The following ADAM23 variants were observed in gnomAD, a reference collection of about 807,000 sequenced individuals.
The protein encoded by ADAM23 is ADAM metallopeptidase domain 23.
ADAM23 carries 33 observed loss-of-function variants against 120.1 expected under a neutral mutation model. The ratio of observed to expected loss-of-function variants is 0.27; its 90% CI spans 0.21 to 0.37. ADAM23 has a LOEUF of 0.37. Ranked by LOEUF, ADAM23 falls within the 10% of genes least tolerant of loss-of-function variation. The pLI, the probability that ADAM23 is intolerant of heterozygous loss-of-function variation, is 1.00. For missense variants in ADAM23, 862 were observed against 1,058.2 expected (o/e 0.81, Z 2.57); for synonymous variants, 367 against 375.2 (o/e 0.98, Z 0.25).
rs530089621 is a variant in ADAM23 at position 206,497,022 on chromosome 2, C to T, written c.509+15714C>T. Reference sequence around the variant, plus strand: ...GAGGCAATAATTAATAGCTTACCAACCAAAAAAAGTCCAGGACCAGATGGA... The same window carrying T: ...GAGGCAATAATTAATAGCTTACCAATCAAAAAAAGTCCAGGACCAGATGGA... On this transcript the variant is annotated intron_variant, in intron 3 of 25. Transcript: ENST00000264377. Among the ~76,000 whole-genome samples, 55 of 152,088 alleles carry T rather than the reference C, an allele frequency of 3.6e-4. 1 individual carries two copies. Among genetic ancestry groups the T allele is most frequent in the South Asian group, 1.7e-3 (8 of 4,812 alleles).
chr2:206,547,476 G>A lies in ADAM23; in HGVS notation c.768G>A (p.Gln256=), dbSNP rs765476146. The A allele has an allele frequency of 1.2e-6, 2 of 1,612,764 alleles. No homozygotes were observed. The highest frequency in any genetic ancestry group is 1.7e-6 in the Non-Finnish European group (2 of 1,179,168). The change falls in exon 7 of 26, where the codon CAG becomes CAA. Residue 256 remains glutamine, a synonymous_variant. Transcript: ENST00000264377. ...TAATCCAGAAAACCTTGGCAGGACA[G>A]TATTCTAAGCAAATGAAGAATCTCA... ...PHIIQKTLAG[Q]YSKQMKNLTM...
chr2:206,558,337 GA>G (rs978318108), intron 10 of ADAM23, among the ~76,000 whole-genome samples: 1 of 151,830 alleles, frequency 6.6e-6, no homozygotes, highest in Admixed American at 6.6e-5. Flanking sequence ...TCTTAAATGC[GA>G]AAAAAACCCC....
intron 2 of ADAM23, among the ~76,000 whole-genome samples, chr2:206,477,641 A>C (rs1014786946): frequency 6.6e-6 from 1 of 152,022 alleles, no homozygotes; most frequent in African/African-American, 2.4e-5. Flanking sequence ...CTAGGATCTG[A>C]TTTTGTATTA....
At chr2:206,460,166 G>A (rs1458927346) in intron 2 of ADAM23, among the ~76,000 whole-genome samples, 2 of 150,444 alleles carry the variant, frequency 1.3e-5, no homozygotes, top group African/African-American at 2.5e-5. Context: ...TTAGGCTACT[G>A]TTAGTTGTTA....
rs1697088417 is a variant in ADAM23, at chr2:206,532,594, C to G, written c.573+1646C>G. Among the ~76,000 whole-genome samples the G allele has an allele frequency of 2.6e-5, 4 of 152,080 alleles. No individual in the cohort carries two copies. In the South Asian group the frequency reaches 8.3e-4, roughly 32 times the overall value. On this transcript the variant is annotated intron_variant, in intron 4 of 25. Transcript: ENST00000264377. ...GCTTCATAGATAATGAACTAACAGT[C>G]TGTTTTTTATGTGTCTGTATTTATG...
At chr2:206,586,154 G>A (rs547281016) in intron 18 of ADAM23, among the ~76,000 whole-genome samples, 13 of 152,352 alleles carry the variant, frequency 8.5e-5, no homozygotes, top group African/African-American at 2.2e-4. Flanking sequence ...CAGAGATGAC[G>A]GGGTGAGAAA....
rs541166692 is a variant in ADAM23 at position 206,445,592 on chromosome 2, C to A, written c.432+68C>A. 30 of 1,394,142 alleles carry A rather than the reference C, an allele frequency of 2.2e-5. No individual in the cohort carries two copies. In the African/African-American group the frequency reaches 3.8e-4, roughly 17 times the overall value. 86.4% of individuals were successfully genotyped at this position (1,394,142 alleles called of 1,614,324 possible). The stretch of plus-strand genomic sequence containing the variant: ...GTTTTCCTTTGATTTGATTTTCTGC[C>A]AGAATCTGAGTTCACAAATTTTACT... On this transcript the variant is annotated intron_variant, in intron 2 of 25. Coordinates refer to ENST00000264377, the MANE Select transcript of ADAM23 (RefSeq NM_003812.4).
chr2:206,579,016 T>C (rs2105838281), intron 18 of ADAM23, among the ~76,000 whole-genome samples: 1 of 152,366 alleles, frequency 6.6e-6, no homozygotes, highest in East Asian at 1.9e-4. Flanking sequence ...TTTTCATATG[T>C]TTGTTGGCCA....
At chr2:206,477,895 A>ATATATATATAT (rs1553548627) in intron 2 of ADAM23, among the ~76,000 whole-genome samples, 117 of 101,846 alleles carry the variant, frequency 1.1e-3, no homozygotes, top group Non-Finnish European at 1.4e-3. Context: ...AAAAAAAAAA[A>ATATATATATAT]AAATATATAT....
At chr2:206,512,058 T>G (rs1361386381) in intron 3 of ADAM23, among the ~76,000 whole-genome samples, 1 of 152,120 alleles carries the variant, frequency 6.6e-6, no homozygotes, top group Non-Finnish European at 1.5e-5. Context: ...TGACTGGGAT[T>G]TGGAATATTT....
intron 3 of ADAM23, among the ~76,000 whole-genome samples, chr2:206,523,397 C>T (rs1299466277): frequency 3.3e-5 from 5 of 152,228 alleles, no homozygotes; most frequent in Non-Finnish European, 7.3e-5. Flanking sequence ...CTTACCAGCC[C>T]TTGCCGGGCA....
chr2:206,611,145 G>T (rs1698818382), intron 25 of ADAM23, among the ~76,000 whole-genome samples: 1 of 152,138 alleles, frequency 6.6e-6, no homozygotes, highest in African/African-American at 2.4e-5. Flanking sequence ...CTGCTAATTT[G>T]TTATCATATT....
At chr2:206,541,211 C>T (rs1285985746) in intron 4 of ADAM23, among the ~76,000 whole-genome samples, 1 of 150,826 alleles carries the variant, frequency 6.6e-6, no homozygotes, top group Non-Finnish European at 1.5e-5. Context: ...CCCAGTACAA[C>T]AAAGGAGCAA....
intron 2 of ADAM23, among the ~76,000 whole-genome samples, chr2:206,459,399 T>C (rs1695366981): frequency 6.6e-6 from 1 of 152,264 alleles, no homozygotes; most frequent in African/African-American, 2.4e-5. Flanking sequence ...GACCTACTAA[T>C]GCATTTTAGG....
chr2:206,599,204 CAAAA>C (rs199786169), intron 24 of ADAM23, among the ~76,000 whole-genome samples: 4 of 70,236 alleles, frequency 5.7e-5, no homozygotes, highest in African/African-American at 5.3e-5. Context: ...GATTCCATCT[CAAAA>C]AAAAAAAAAA....
intron 3 of ADAM23, among the ~76,000 whole-genome samples, chr2:206,525,754 G>C (rs1292526109): frequency 6.6e-6 from 1 of 151,948 alleles, no homozygotes; most frequent in African/African-American, 2.4e-5. Flanking sequence ...ACCACACCTG[G>C]CTAATTTTTG....
At chr2:206,459,734 T>A (rs1028436119) in intron 2 of ADAM23, among the ~76,000 whole-genome samples, 2 of 152,232 alleles carry the variant, frequency 1.3e-5, no homozygotes, top group Non-Finnish European at 2.9e-5. Flanking sequence ...TACTATCATC[T>A]ACCCTAGCCC....
intron 11 of ADAM23, among the ~76,000 whole-genome samples, 153 bp downstream of exon 11, chr2:206,560,271 G>T (rs940298261): frequency 2.1e-4 from 32 of 151,928 alleles, no homozygotes; most frequent in African/African-American, 7.7e-4. Context: ...ATGGAGTTAG[G>T]ATATCCCATG....
intron 2 of ADAM23, among the ~76,000 whole-genome samples, chr2:206,470,078 A>G (rs1269224728): frequency 6.6e-6 from 1 of 152,046 alleles, no homozygotes; most frequent in Non-Finnish European, 1.5e-5. Flanking sequence ...ATCCCCCACA[A>G]AACACACACC....
Sources: gnomAD v4.1 joint callset for allele counts (sites outside exome capture counted in the v4.1 genomes callset) on GRCh38, gnomAD v4.1.1 for gene constraint, MANE v1.5 for transcripts, NCBI Gene and HGNC (gene_info 2026-07-23, HGNC 2026-07-21) for gene names.